Variants in SIL1 observed in about 807,000 individuals in gnomAD.
The protein encoded by SIL1 is SIL1 nucleotide exchange factor.
Under a neutral mutation model 49.1 loss-of-function variants are expected in SIL1, and 40 were observed. The observed-to-expected ratio is 0.81, with a 90% confidence interval of 0.63 to 1.06. SIL1 has a LOEUF of 1.06. Ranked by LOEUF, SIL1 falls within the 50% of genes least tolerant of loss-of-function variation. The probability of loss-of-function intolerance (pLI) is 0.00; values close to 1 mark genes in which losing one functional copy is unlikely to be tolerated. For synonymous variants in SIL1, 253 were observed against 250.8 expected (o/e 1.01, Z -0.08); for missense variants, 500 against 572.6 (o/e 0.87, Z 1.29).
chr5:139,074,560 G>A (rs1387554433), intron 3 of SIL1, among the ~76,000 whole-genome samples: 3 of 152,138 alleles, frequency 2.0e-5, no homozygotes, highest in African/African-American at 7.2e-5. Context: ...GCAAATCAAC[G>A]AACAAGATGC....
intron 3 of SIL1, among the ~76,000 whole-genome samples, chr5:139,112,767 T>A (rs1311092383): frequency 1.3e-5 from 2 of 152,084 alleles, no homozygotes; most frequent in African/African-American, 4.8e-5. Flanking sequence ...GAGGAGCCCC[T>A]CTGCCCGGCC....
In SIL1 at chr5:139,119,220, A is replaced by G. The variant is rs79854361; in HGVS notation, c.244+1815T>C. Among the ~76,000 whole-genome samples the G allele has an allele frequency of 1.8e-3, 275 of 152,330 alleles. 1 individual carries two copies. The highest frequency in any genetic ancestry group is 2.7e-3 in the Non-Finnish European group (185 of 68,022). ...AGTCCACAGTCCACTCTTGTCACACAGGCTCTGGCTGTCCCTCCCCAAGGA... is the reference window on the plus strand; with the variant it reads ...AGTCCACAGTCCACTCTTGTCACACGGGCTCTGGCTGTCCCTCCCCAAGGA... On this transcript the variant is annotated intron_variant, in intron 3 of 9. Transcript: ENST00000394817.
At chr5:139,187,207 C>CG (rs1752090862) in intron 1 of SIL1, among the ~76,000 whole-genome samples, 1 of 152,112 alleles carries the variant, frequency 6.6e-6, no homozygotes, top group Non-Finnish European at 1.5e-5. Flanking sequence ...TCACTGAAGG[C>CG]GGCAGCTCTG....
At chr5:139,004,192 G>A (rs944011354) in intron 7 of SIL1, among the ~76,000 whole-genome samples, 5 of 152,056 alleles carry the variant, frequency 3.3e-5, no homozygotes, top group African/African-American at 9.7e-5. Flanking sequence ...TTTGAGATAG[G>A]GTCTTGTTAT....
intron 4 of SIL1, among the ~76,000 whole-genome samples, chr5:139,045,079 G>T (rs187504435): frequency 1.3e-5 from 2 of 152,110 alleles, no homozygotes; most frequent in Non-Finnish European, 2.9e-5. Flanking sequence ...ACTCTCAGTC[G>T]GGTGTGGTGG....
At chr5:139,013,813 A>G (rs932864635) in intron 7 of SIL1, 1 of 152,206 alleles carries the variant, frequency 6.6e-6, no homozygotes, top group African/African-American at 2.4e-5. Context: ...TTAAATGTTA[A>G]TTACAAAAAT....
intron 1 of SIL1, among the ~76,000 whole-genome samples, chr5:139,190,078 A>G (rs1752140677): frequency 6.6e-6 from 1 of 152,228 alleles, no homozygotes. Flanking sequence ...GCTTAGAGAA[A>G]ATAAGTAACT....
chr5:138,999,955 T>C (rs893193991), intron 7 of SIL1, among the ~76,000 whole-genome samples: 1 of 152,220 alleles, frequency 6.6e-6, no homozygotes, highest in East Asian at 1.9e-4. Flanking sequence ...ATGGCCTTTA[T>C]GTTTCTCTCT....
At chr5:138,952,853 A>G (rs1766814519) in intron 7 of SIL1, among the ~76,000 whole-genome samples, 1 of 152,268 alleles carries the variant, frequency 6.6e-6, no homozygotes, top group Non-Finnish European at 1.5e-5. Flanking sequence ...GATCCCTCAC[A>G]GGATGCCCTT....
rs1008396978 is a variant in SIL1, at chr5:138,972,971, G to A, written c.768-21087C>T. ...CAGGGCTGAGGCCCCAGTGATGGGG[G>A]TAGAGAAGCCCTTGTTCAGTCCCAG... On this transcript the variant is annotated intron_variant, in intron 7 of 9. Coordinates refer to ENST00000394817, the MANE Select transcript of SIL1 (RefSeq NM_022464.5). Among the ~76,000 whole-genome samples, 10 of 152,142 alleles carry A rather than the reference G, an allele frequency of 6.6e-5. No individual in the cohort carries two copies. The East Asian group carries it at 9.7e-4, about 15-fold the overall frequency.
At chr5:139,137,094 G>C (rs1750989148) in intron 1 of SIL1, among the ~76,000 whole-genome samples, 2 of 152,234 alleles carry the variant, frequency 1.3e-5, no homozygotes, top group African/African-American at 4.8e-5. Context: ...CCATGGCGGA[G>C]ACAGAGAAAT....
At chr5:139,150,510 C>A (rs993838977) in intron 1 of SIL1, among the ~76,000 whole-genome samples, 52 of 152,104 alleles carry the variant, frequency 3.4e-4, no homozygotes, top group African/African-American at 1.1e-3. Flanking sequence ...AGCCACTCCC[C>A]ACTTCTCAGG....
intron 7 of SIL1, among the ~76,000 whole-genome samples, chr5:138,987,350 TG>T (rs1418409469): frequency 6.6e-6 from 1 of 151,898 alleles, no homozygotes; most frequent in Non-Finnish European, 1.5e-5. Flanking sequence ...TGGCCTCAAT[TG>T]ATCTACCCAC....
At chr5:139,107,220 T>C (rs1252682184) in intron 3 of SIL1, among the ~76,000 whole-genome samples, 1 of 152,204 alleles carries the variant, frequency 6.6e-6, no homozygotes, top group Non-Finnish European at 1.5e-5. Flanking sequence ...TTGGGATCCC[T>C]GAGTAAGAGC....
chr5:139,004,108 T>C (rs1768055973), intron 7 of SIL1, among the ~76,000 whole-genome samples: 1 of 152,234 alleles, frequency 6.6e-6, no homozygotes, highest in Non-Finnish European at 1.5e-5. Flanking sequence ...TCTTCCCTCT[T>C]TCCCCACTCC....
chr5:139,188,619 G>C (rs1752116360), intron 1 of SIL1, among the ~76,000 whole-genome samples: 1 of 152,150 alleles, frequency 6.6e-6, no homozygotes, highest in Non-Finnish European at 1.5e-5. Context: ...ACAAAATCTG[G>C]GTCAGTGTAT....
At chr5:139,174,637 CA>C (rs943023018) in intron 1 of SIL1, among the ~76,000 whole-genome samples, 2 of 148,674 alleles carry the variant, frequency 1.3e-5, no homozygotes, top group Non-Finnish European at 3.0e-5. Context: ...GACCCCATTT[CA>C]AAAAAAAACA....
At chr5:139,191,516 A>C (rs1453283262) in intron 1 of SIL1, among the ~76,000 whole-genome samples, 1 of 152,008 alleles carries the variant, frequency 6.6e-6, no homozygotes, top group Non-Finnish European at 1.5e-5. Flanking sequence ...ATGGTGGCTC[A>C]CACTTGTAAT....
intron 3 of SIL1, among the ~76,000 whole-genome samples, chr5:139,094,236 T>TA (rs2151778156): frequency 6.6e-6 from 1 of 152,278 alleles, no homozygotes; most frequent in African/African-American, 2.4e-5. Flanking sequence ...AACAAAGGCC[T>TA]AAACACAAAC....
Sources: allele counts gnomAD v4.1 joint callset (sites outside exome capture counted in the v4.1 genomes callset), GRCh38; gene constraint gnomAD v4.1.1; transcripts MANE v1.5; gene names NCBI Gene and HGNC (gene_info 2026-07-23, HGNC 2026-07-21).